The following MYO15B variants were observed in gnomAD, a reference collection of about 807,000 sequenced individuals.
MYO15B encodes the protein myosin XVB, also known as myosin XVB pseudogene.
Under a neutral mutation model 119.3 loss-of-function variants are expected in MYO15B, and 207 were observed. The observed-to-expected ratio is 1.73, with a 90% CI of 1.55 to 1.95. The LOEUF is 1.95. Ranked by LOEUF, MYO15B falls within the 30% of genes most tolerant of loss-of-function variation. MYO15B has a pLI of 0.00. For synonymous variants in MYO15B, 966 were observed against 498.9 expected (o/e 1.94, Z -12.48); for missense variants, 2,264 against 1,203.1 (o/e 1.88, Z -13.04).
rs12945528 is a variant in MYO15B, at chr17:75,608,562, A to G, written c.4293-1604A>G. On this transcript the variant is annotated intron_variant, in intron 21 of 63. Coordinates refer to ENST00000645453, the Ensembl canonical transcript of MYO15B. ...AGGCTGAGGCACGAGAATCACTTGAACCTGGGAGGCGGAGATTCAAGTGAG... is the reference window on the plus strand; with the variant it reads ...AGGCTGAGGCACGAGAATCACTTGAGCCTGGGAGGCGGAGATTCAAGTGAG... Among the ~76,000 whole-genome samples, 569 of 152,036 alleles carry G rather than the reference A, an allele frequency of 3.7e-3. 3 individuals carry two copies. The highest frequency in any genetic ancestry group is 0.013 in the African/African-American group (530 of 41,522).
At chr17:75,620,750 C>A in intron 49 of MYO15B, 114 bp downstream of exon 49, 1 of 697,910 alleles carries the variant, frequency 1.4e-6, no homozygotes, top group Admixed American at 2.0e-5. Flanking sequence ...TGCTGTCCGT[C>A]TCCTGTGGCT....
At chr17:75,609,012 G>A (rs1020073351) in intron 21 of MYO15B, among the ~76,000 whole-genome samples, 17 of 152,024 alleles carry the variant, frequency 1.1e-4, no homozygotes, top group East Asian at 5.8e-4. Flanking sequence ...GATTATAGGC[G>A]TGAGCCACCA....
At chr17:75,601,402 C>T (rs1412175683) in intron 14 of MYO15B, 36 bp from the exon 15 acceptor site, 1 of 701,520 alleles carries the variant, frequency 1.4e-6, no homozygotes, top group East Asian at 2.7e-5. Flanking sequence ...ACAGCCTGTG[C>T]AGAGGCGTGA....
chr17:75,624,481 G>A (rs1249951568), intron 57 of MYO15B, 34 bp downstream of exon 57: 8 of 702,896 alleles, frequency 1.1e-5, no homozygotes, highest in Non-Finnish European at 2.6e-6. Flanking sequence ...AGGAGGCCTT[G>A]GGCATCAGTT....
exon 56 of MYO15B, chr17:75,624,228 C>T (rs774089754): frequency 1.9e-4 from 136 of 702,904 alleles, no homozygotes; most frequent in South Asian, 3.6e-4. Flanking sequence ...ATATGGGGGG[C>T]GCCGGCGGAT....
chr17:75,603,428 C>T (rs1426343258), intron 19 of MYO15B, 116 bp downstream of exon 19: 1 of 620,744 alleles, frequency 1.6e-6, no homozygotes, highest in Non-Finnish European at 2.9e-6. Context: ...GGGCCTAGCA[C>T]CCAACCCTCC....
chr17:75,606,192 T>C, intron 21 of MYO15B, 171 bp downstream of exon 21: 1 of 517,034 alleles, frequency 1.9e-6, no homozygotes. Context: ...CCCATACCCG[T>C]GCAGCCTCTG....
intron 5 of MYO15B, 42 bp downstream of exon 5, chr17:75,591,754 G>A (rs774898340): frequency 2.0e-5 from 14 of 702,542 alleles, no homozygotes; most frequent in African/African-American, 7.0e-5. Context: ...TGAGCTGGCC[G>A]TCTGTCTTCC....
intron 7 of MYO15B, 41 bp downstream of exon 7, chr17:75,592,342 A>C (rs1242598722): frequency 1.4e-6 from 1 of 701,952 alleles, no homozygotes; most frequent in Admixed American, 2.0e-5. Context: ...CAGTTCCCAG[A>C]GTAGGAAGGG....
At chr17:75,605,937 A>T (rs1221694646) in exon 21 of MYO15B, 1 of 702,678 alleles carries the variant, frequency 1.4e-6, no homozygotes, top group East Asian at 2.7e-5. Flanking sequence ...GCCCTGGTCG[A>T]CCTGCACCGC....
At chr17:75,603,102 A>T (rs2057389419) in intron 18 of MYO15B, 25 bp downstream of exon 18, 9 of 703,030 alleles carry the variant, frequency 1.3e-5, no homozygotes, top group Non-Finnish European at 1.8e-5. Flanking sequence ...AACTGGCCTC[A>T]GGGCCCTCCC....
chr17:75,596,430 T>C (rs551683538), intron 12 of MYO15B, 30 bp from the exon 13 acceptor site: 6 of 702,732 alleles, frequency 8.5e-6, no homozygotes, highest in Admixed American at 8.0e-5. Flanking sequence ...CACAGCCCCA[T>C]GTGCCCACCT....
At chr17:75,605,368 C>T (rs1168297945) in intron 19 of MYO15B, 136 bp from the exon 20 acceptor site, 26 of 591,250 alleles carry the variant, frequency 4.4e-5, no homozygotes, top group Non-Finnish European at 7.2e-5. Flanking sequence ...ACCCGGGAGG[C>T]GGAGCTTGCA....
At chr17:75,588,238 G>A (rs965981157) in exon 1 of MYO15B, 15 of 398,090 alleles carry the variant, frequency 3.8e-5, no homozygotes, top group Non-Finnish European at 5.3e-5. Flanking sequence ...CGGGGGCCAG[G>A]GAACCCCTGG....
At chr17:75,605,393 C>T (rs1186768577) in intron 19 of MYO15B, 111 bp from the exon 20 acceptor site, 8 of 612,658 alleles carry the variant, frequency 1.3e-5, no homozygotes, top group Admixed American at 2.7e-5. Flanking sequence ...GCCGAGATCG[C>T]GCCACTGTAC....
intron 36 of MYO15B, 54 bp downstream of exon 36, chr17:75,615,938 G>C: frequency 1.6e-6 from 1 of 619,224 alleles, no homozygotes; most frequent in African/African-American, 1.8e-5. Flanking sequence ...GACTGCAGGG[G>C]CAGGGGACAT....
exon 1 of MYO15B, chr17:75,588,039 C>T (rs560648958): frequency 1.5e-5 from 6 of 398,350 alleles, no homozygotes; most frequent in Non-Finnish European, 2.7e-5. Flanking sequence ...TCGGGAAGCC[C>T]GTCTCCTTTG....
exon 57 of MYO15B, chr17:75,624,412 G>A (rs1275446708): frequency 1.6e-5 from 11 of 702,592 alleles, no homozygotes; most frequent in Admixed American, 1.4e-4. Context: ...CCTGCCGGGG[G>A]GTGTGGATTA....
intron 14 of MYO15B, among the ~76,000 whole-genome samples, chr17:75,598,388 C>T (rs2057011301): frequency 6.6e-6 from 1 of 151,724 alleles, no homozygotes; most frequent in African/African-American, 2.4e-5. Context: ...ACCATCCTGG[C>T]TAACATGGTG....
Sources: gnomAD v4.1 joint callset for allele counts (sites outside exome capture counted in the v4.1 genomes callset) on GRCh38, gnomAD v4.1.1 for gene constraint, MANE v1.5 for transcripts, NCBI Gene and HGNC (gene_info 2026-07-23, HGNC 2026-07-21) for gene names.